PPME1: variants seen among roughly 807,000 people sequenced by gnomAD.
PPME1 encodes testicular secretory protein Li 39.
A neutral mutation model predicts 56.9 loss-of-function variants in PPME1; 17 were observed. The observed-to-expected ratio is 0.30, with a 90% CI of 0.20 to 0.45. PPME1 has a LOEUF of 0.45. Ranked by LOEUF, PPME1 falls within the 20% of genes least tolerant of loss-of-function variation. PPME1 has a pLI of 1.00. For missense variants in PPME1, 357 were observed against 483.2 expected (o/e 0.74, Z 2.45); for synonymous variants, 122 against 156.2 (o/e 0.78, Z 1.63).
intron 1 of PPME1, among the ~76,000 whole-genome samples, chr11:74,178,767 T>A (rs1857459477): frequency 6.6e-6 from 1 of 152,208 alleles, no homozygotes; most frequent in Non-Finnish European, 1.5e-5. Context: ...AATCTATTTC[T>A]TCTTAGTATC....
intron 1 of PPME1, 139 bp downstream of exon 1, chr11:74,171,661 G>A (rs1857234466): frequency 1.7e-6 from 2 of 1,143,548 alleles, no homozygotes; most frequent in Non-Finnish European, 2.4e-6. Context: ...TTTAGATGGA[G>A]TAGAAGGCAG....
rs147407945 is a variant in PPME1 at position 74,235,341 on chromosome 11, A to G, written c.645-560A>G. On this transcript the variant is annotated intron_variant, in intron 7 of 13. Transcript: ENST00000328257. ...AAGCTGGCGCCTGCCTTCCAATCCT[A>G]TTCTGTCACGCTCCCCTTTTATCTC... 2.1e-3 allele frequency among the ~76,000 whole-genome samples: 322 copies of G among 152,066 alleles called. 1 individual carries two copies. The highest frequency in any genetic ancestry group is 7.4e-3 in the African/African-American group (308 of 41,474).
At chr11:74,220,968 A>G (rs1473833860) in intron 3 of PPME1, among the ~76,000 whole-genome samples, 1 of 152,148 alleles carries the variant, frequency 6.6e-6, no homozygotes, top group Non-Finnish European at 1.5e-5. Context: ...AGTAGAATGT[A>G]GATATCATGA....
chr11:74,211,661 A>G (rs1234003891), intron 3 of PPME1, among the ~76,000 whole-genome samples: 1 of 152,170 alleles, frequency 6.6e-6, no homozygotes, highest in Non-Finnish European at 1.5e-5. Flanking sequence ...TAAAGTTAAA[A>G]CACAAGCTAT....
At chr11:74,200,355 TTTTG>T (rs1259223734) in intron 1 of PPME1, among the ~76,000 whole-genome samples, 7 of 119,966 alleles carry the variant, frequency 5.8e-5, no homozygotes, top group Non-Finnish European at 8.5e-5. Context: ...CAGTCATGTG[TTTTG>T]TGTGTGTGTG....
intron 1 of PPME1, among the ~76,000 whole-genome samples, chr11:74,190,444 G>C (rs1490098662): frequency 6.6e-6 from 1 of 152,190 alleles, no homozygotes; most frequent in Non-Finnish European, 1.5e-5. Context: ...GGCTGCTCCA[G>C]CTTTACCTTC....
At chr11:74,201,595 A>G (rs544579118) in intron 1 of PPME1, among the ~76,000 whole-genome samples, 68 of 152,300 alleles carry the variant, frequency 4.5e-4, no homozygotes, top group African/African-American at 1.5e-3. Context: ...TTTTGTCACT[A>G]CCATTTAGTA....
At chr11:74,182,365 CT>C (rs577010386) in intron 1 of PPME1, among the ~76,000 whole-genome samples, 52 of 145,594 alleles carry the variant, frequency 3.6e-4, no homozygotes, top group East Asian at 1.2e-3. Context: ...TTGATAATGT[CT>C]TTTTTTTTTT....
chr11:74,179,193 C>T (rs1321112144), intron 1 of PPME1, among the ~76,000 whole-genome samples: 1 of 152,212 alleles, frequency 6.6e-6, no homozygotes, highest in Non-Finnish European at 1.5e-5. Context: ...CTCTCTGCCA[C>T]TAACAAGTTG....
intron 1 of PPME1, among the ~76,000 whole-genome samples, chr11:74,196,742 A>G (rs1000084104): frequency 1.3e-5 from 2 of 152,224 alleles, no homozygotes; most frequent in African/African-American, 4.8e-5. Flanking sequence ...ATGCTTGTAT[A>G]TATGGGGAGA....
At chr11:74,203,300 A>G (rs1000702731) in intron 1 of PPME1, among the ~76,000 whole-genome samples, 1 of 152,176 alleles carries the variant, frequency 6.6e-6, no homozygotes, top group African/African-American at 2.4e-5. Flanking sequence ...TAAAGGAGTG[A>G]TAGTGACCAA....
At chr11:74,175,284 C>T (rs1857375614) in intron 1 of PPME1, among the ~76,000 whole-genome samples, 1 of 152,108 alleles carries the variant, frequency 6.6e-6, no homozygotes, top group Non-Finnish European at 1.5e-5. Context: ...GGGTGGATCA[C>T]CTGAGGTCGG....
chr11:74,229,815 A>G (rs1202018838), intron 5 of PPME1, among the ~76,000 whole-genome samples: 3 of 152,232 alleles, frequency 2.0e-5, no homozygotes, highest in East Asian at 3.8e-4. Flanking sequence ...GCTAGGGCTC[A>G]TCTTGTGATT....
chr11:74,192,099 A>G (rs930004116), intron 1 of PPME1, among the ~76,000 whole-genome samples: 3 of 152,328 alleles, frequency 2.0e-5, no homozygotes, highest in East Asian at 3.9e-4. Context: ...TGGCAGGGCT[A>G]TACCCTACAA....
chr11:74,231,089 A>ACTCTGTCAC (rs1859054282), intron 7 of PPME1, 87 bp downstream of exon 7: 1 of 1,147,842 alleles, frequency 8.7e-7, no homozygotes, highest in Non-Finnish European at 1.3e-6. Context: ...ACAAGGCCTC[A>ACTCTGTCAC]CTCTGTCACC....
rs1173442734 is a variant in PPME1, at chr11:74,171,413, C to G, written c.-9C>G. ...TACTGTTTGACTACGTGCGTGCAGC[C>G]TCCCCTCGATGTCGGCCCTCGAAAA... On this transcript the variant is annotated 5_prime_UTR_variant, in exon 1 of 14. Transcript: ENST00000328257. The G allele has an allele frequency of 1.2e-6, 2 of 1,608,534 alleles. No homozygotes were observed. Among genetic ancestry groups the G allele is most frequent in the East Asian group, 2.2e-5 (1 of 44,706 alleles).
At chr11:74,217,294 C>G (rs560339113) in intron 3 of PPME1, among the ~76,000 whole-genome samples, 1 of 152,090 alleles carries the variant, frequency 6.6e-6, no homozygotes, top group Non-Finnish European at 1.5e-5. Flanking sequence ...GTAATCCCAG[C>G]ACTTTGAGAG....
At chr11:74,189,555 C>T (rs991597760) in intron 1 of PPME1, among the ~76,000 whole-genome samples, 1 of 152,224 alleles carries the variant, frequency 6.6e-6, no homozygotes, top group Non-Finnish European at 1.5e-5. Context: ...TCCCAAAGTG[C>T]CGGGATTGCA....
At chr11:74,220,499 C>T (rs376268560) in intron 3 of PPME1, among the ~76,000 whole-genome samples, 2 of 152,146 alleles carry the variant, frequency 1.3e-5, no homozygotes, top group Non-Finnish European at 2.9e-5. Flanking sequence ...TGAAAACCAC[C>T]TGGAACCAGG....
Sources: allele counts gnomAD v4.1 joint callset (sites outside exome capture counted in the v4.1 genomes callset), GRCh38; gene constraint gnomAD v4.1.1; transcripts MANE v1.5; gene names NCBI Gene and HGNC (gene_info 2026-07-23, HGNC 2026-07-21).